Variants in MSRA observed in about 807,000 individuals in gnomAD.
MSRA encodes the protein mitochondrial peptide methionine sulfoxide reductase.
A neutral mutation model predicts 31.3 loss-of-function variants in MSRA; 54 were observed. The observed-to-expected ratio is 1.73, with a 90% CI of 1.39 to 2.17. MSRA has a LOEUF of 2.17. MSRA is among the 30% of genes most tolerant of loss of function. The pLI is 0.00. For synonymous variants in MSRA, 169 were observed against 116.5 expected (o/e 1.45, Z -2.90); for missense variants, 507 against 300.9 (o/e 1.69, Z -5.07).
chr8:10,077,581 T>C (rs893630933), intron 1 of MSRA, among the ~76,000 whole-genome samples: 4 of 150,116 alleles, frequency 2.7e-5, no homozygotes, highest in Admixed American at 2.7e-4. Context: ...CCTGAGTCTC[T>C]CTGAGTGTTG....
chr8:10,407,745 G>A lies in MSRA; in HGVS notation c.544-20403G>A, dbSNP rs1409754929. Reference sequence around the variant, plus strand: ...GGGGCACAGAGTGAGGCACAGAGCAGGAATTGTCATTGGTCTAAACACCCC... The same window carrying A: ...GGGGCACAGAGTGAGGCACAGAGCAAGAATTGTCATTGGTCTAAACACCCC... On this transcript the variant is annotated intron_variant, in intron 5 of 5. Coordinates refer to ENST00000317173, the MANE Select transcript of MSRA (RefSeq NM_012331.5). Among the ~76,000 whole-genome samples, 4 of 152,156 alleles carry A rather than the reference G, an allele frequency of 2.6e-5. No homozygotes were observed. In the East Asian group the frequency reaches 7.7e-4, roughly 29 times the overall value.
In MSRA at chr8:10,387,878, CTT is replaced by C. The variant is rs1806490778; in HGVS notation, c.544-40268_544-40267del. Among the ~76,000 whole-genome samples, 3 of 152,226 alleles carry C rather than the reference CTT, an allele frequency of 2.0e-5. No individual in the cohort carries two copies. The South Asian group carries it at 6.2e-4, about 32-fold the overall frequency. On this transcript the variant is annotated intron_variant, in intron 5 of 5. Transcript: ENST00000317173. ...GGAGAAACAAGGTGGTTTAGAAAGT[CTT>C]TGGTTCTCAGGCAGCTTCTAGGGCC... is the stretch of plus-strand genomic sequence containing the variant.
At chr8:10,290,106 G>A (rs987513550) in intron 3 of MSRA, among the ~76,000 whole-genome samples, 1 of 152,186 alleles carries the variant, frequency 6.6e-6, no homozygotes, top group African/African-American at 2.4e-5. Context: ...GCCCTCAAAT[G>A]TAGAAAAACT....
At chr8:10,298,516 T>A (rs1285523272) in intron 3 of MSRA, among the ~76,000 whole-genome samples, 1 of 152,154 alleles carries the variant, frequency 6.6e-6, no homozygotes, top group African/African-American at 2.4e-5. Context: ...ATATCAGTTT[T>A]GCGAGATGAA....
At chr8:10,421,536 C>T (rs970361141) in intron 5 of MSRA, among the ~76,000 whole-genome samples, 1 of 151,940 alleles carries the variant, frequency 6.6e-6, no homozygotes. Context: ...GGCTGAGACA[C>T]TCGGGCACTT....
At chr8:10,271,718 C>CTT (rs11301253) in intron 3 of MSRA, among the ~76,000 whole-genome samples, 1 of 136,132 alleles carries the variant, frequency 7.3e-6, no homozygotes, top group Non-Finnish European at 1.6e-5. Context: ...CATGGGTAGT[C>CTT]TTTTTTTTTT....
intron 5 of MSRA, among the ~76,000 whole-genome samples, chr8:10,372,860 G>A (rs772795702): frequency 3.9e-5 from 6 of 152,232 alleles, no homozygotes; most frequent in Non-Finnish European, 5.9e-5. Context: ...GCTTAAGCGT[G>A]TGCTAAGCAC....
chr8:10,196,622 T>C (rs1166651361), intron 1 of MSRA, among the ~76,000 whole-genome samples: 2 of 152,198 alleles, frequency 1.3e-5, no homozygotes, highest in African/African-American at 4.8e-5. Flanking sequence ...CAATCTCGAC[T>C]CATCGCAACC....
intron 2 of MSRA, among the ~76,000 whole-genome samples, chr8:10,227,992 G>A (rs1364238041): frequency 6.6e-6 from 1 of 152,164 alleles, no homozygotes; most frequent in Non-Finnish European, 1.5e-5. Context: ...GCATCGTAGA[G>A]CTGAAATCTG....
At chr8:10,059,589 A>G (rs1453963371) in intron 1 of MSRA, among the ~76,000 whole-genome samples, 2 of 152,198 alleles carry the variant, frequency 1.3e-5, no homozygotes, top group Admixed American at 6.5e-5. Flanking sequence ...TGACTTGAAA[A>G]TCGGAAAACG....
intron 2 of MSRA, among the ~76,000 whole-genome samples, chr8:10,237,557 A>G (rs1404502563): frequency 6.6e-6 from 1 of 152,260 alleles, no homozygotes; most frequent in African/African-American, 2.4e-5. Context: ...GAATAGTAAT[A>G]GGCCAAGAGT....
At chr8:10,153,981 A>G (rs933224848) in intron 1 of MSRA, among the ~76,000 whole-genome samples, 1 of 152,232 alleles carries the variant, frequency 6.6e-6, no homozygotes, top group Non-Finnish European at 1.5e-5. Flanking sequence ...TTTCATGTGG[A>G]TATTCAATGC....
At chr8:10,365,749 T>C (rs1051321074) in intron 5 of MSRA, among the ~76,000 whole-genome samples, 1 of 152,192 alleles carries the variant, frequency 6.6e-6, no homozygotes, top group African/African-American at 2.4e-5. Flanking sequence ...GAGATTTGTC[T>C]TTGCCTCCTC....
At chr8:10,127,561 A>C (rs997647558) in intron 1 of MSRA, among the ~76,000 whole-genome samples, 1 of 152,230 alleles carries the variant, frequency 6.6e-6, no homozygotes, top group African/African-American at 2.4e-5. Flanking sequence ...AGAGTCACTC[A>C]GATGAAATGA....
At chr8:10,348,100 T>C (rs918009041) in intron 5 of MSRA, among the ~76,000 whole-genome samples, 3 of 152,216 alleles carry the variant, frequency 2.0e-5, no homozygotes, top group Admixed American at 2.0e-4. Flanking sequence ...CATCCTTAGA[T>C]GGATTTGGGA....
chr8:10,256,371 G>A (rs1798180347), intron 3 of MSRA, among the ~76,000 whole-genome samples: 1 of 152,080 alleles, frequency 6.6e-6, no homozygotes, highest in Admixed American at 6.5e-5. Context: ...CTATTCCCCT[G>A]CCGAAGAATA....
intron 2 of MSRA, among the ~76,000 whole-genome samples, chr8:10,233,411 T>C (rs963445331): frequency 1.3e-5 from 2 of 152,240 alleles, no homozygotes; most frequent in Non-Finnish European, 2.9e-5. Context: ...GAGTTAATTT[T>C]TTATAACAAA....
At chr8:10,357,589 T>A (rs1804582455) in intron 5 of MSRA, among the ~76,000 whole-genome samples, 1 of 152,234 alleles carries the variant, frequency 6.6e-6, no homozygotes, top group African/African-American at 2.4e-5. Flanking sequence ...CTTTCCTATC[T>A]TCTTTACCAT....
intron 5 of MSRA, among the ~76,000 whole-genome samples, chr8:10,422,839 T>C (rs747508131): frequency 1.3e-5 from 2 of 152,184 alleles, no homozygotes; most frequent in Non-Finnish European, 2.9e-5. Flanking sequence ...TTCCAGGCTT[T>C]TGAACCAATC....
Sources: gnomAD v4.1 joint callset for allele counts (sites outside exome capture counted in the v4.1 genomes callset) on GRCh38, gnomAD v4.1.1 for gene constraint, MANE v1.5 for transcripts, NCBI Gene and HGNC (gene_info 2026-07-23, HGNC 2026-07-21) for gene names.